The following YTHDC1 variants were observed in gnomAD, a reference collection of about 807,000 sequenced individuals.
YTHDC1 encodes the protein YTH N6-methyladenosine RNA binding protein C1, also known as YTH domain-containing protein 1.
Under a neutral mutation model 107.0 loss-of-function variants are expected in YTHDC1, and 12 were observed. The ratio of observed to expected loss-of-function variants is 0.11; its 90% CI spans 0.07 to 0.18. The LOEUF is 0.18. Among genes scored for constraint, YTHDC1 ranks in the 10% least tolerant of loss-of-function variants. YTHDC1 has a pLI of 1.00. For missense variants in YTHDC1, 635 were observed against 898.8 expected (o/e 0.71, Z 3.75); for synonymous variants, 280 against 289.5 (o/e 0.97, Z 0.33).
intron 1 of YTHDC1, among the ~76,000 whole-genome samples, chr4:68,339,495 C>T (rs1724581970): frequency 6.6e-6 from 1 of 152,142 alleles, no homozygotes; most frequent in African/African-American, 2.4e-5. Flanking sequence ...TTTGACTGTA[C>T]TATGGTTAAG....
Position 68,332,191 on chromosome 4 carries a change from G to T in YTHDC1, c.1034C>A (p.Thr345Asn). The T allele has an allele frequency of 1.3e-6, 2 of 1,591,878 alleles. No individual in the cohort carries two copies. The highest frequency in any genetic ancestry group is 8.6e-7 in the Non-Finnish European group (1 of 1,168,848). ...TTGAAGCACATATTTGAGTTTACTG[G>T]TTTGATCTGAAAAAAAAAGAAACCC... Reference protein sequence around the residue: ...SSVRAVRKDQTSKLKYVLQDA... With the variant: ...SSVRAVRKDQNSKLKYVLQDA... The change falls in exon 7 of 17, where the codon ACC (threonine) becomes AAC (asparagine). Residue 345 changes from threonine (T) to asparagine (N), a missense_variant. Physicochemically the swap from Thr to Asn is moderately conservative, Grantham distance 65. Coordinates refer to ENST00000344157, the MANE Select transcript of YTHDC1 (RefSeq NM_001031732.4).
At chr4:68,318,805 G>T (rs542792345) in intron 13 of YTHDC1, 21 bp downstream of exon 13, 1 of 1,614,072 alleles carries the variant, frequency 6.2e-7, no homozygotes, top group Admixed American at 1.7e-5. Flanking sequence ...TCAAAACTAG[G>T]CAAGAGTGAA....
intron 9 of YTHDC1, among the ~76,000 whole-genome samples, chr4:68,327,012 G>A (rs574735075): frequency 8.0e-4 from 121 of 150,850 alleles, no homozygotes; most frequent in Non-Finnish European, 1.4e-3. Flanking sequence ...TGAGGCGGGC[G>A]GATCACCTGA....
Position 68,324,170 on chromosome 4 carries a change from T to C in YTHDC1, c.1403A>G (p.His468Arg), listed in dbSNP as rs1722729480. 3.1e-6 allele frequency: 5 copies of C among 1,613,940 alleles called. No homozygotes were observed. Among genetic ancestry groups the C allele is most frequent in the South Asian group, 1.1e-5 (1 of 91,076 alleles). Residue 468 changes from histidine (H) to arginine (R), a missense_variant, in exon 10 of 17, where the codon CAT (histidine) becomes CGT (arginine). Transcript: ENST00000344157. ...ATCACGTCCGATCTTTACTGGTTTATGTTCATTCCAAGGATTGGTGAGATG... is the reference window on the plus strand; with the variant it reads ...ATCACGTCCGATCTTTACTGGTTTACGTTCATTCCAAGGATTGGTGAGATG... ...SAHLTNPWNE[H>R]KPVKIGRDGQ...
chr4:68,345,625 T>A (rs1380510390), intron 1 of YTHDC1, among the ~76,000 whole-genome samples: 1 of 152,150 alleles, frequency 6.6e-6, no homozygotes, highest in Non-Finnish European at 1.5e-5. Context: ...AGTGCAAAGA[T>A]ATCATTTTAA....
rs1166072944 is a variant in YTHDC1 at position 68,310,650 on chromosome 4, TATGTGTTTCAA to T, written c.*3438_*3448del. The T allele has an allele frequency of 6.8e-6, 1 of 146,840 alleles. No individual in the cohort carries two copies. Among genetic ancestry groups the T allele is most frequent in the Non-Finnish European group, 1.6e-5 (1 of 64,394 alleles). 9.1% of individuals were successfully genotyped at this position (146,840 alleles called of 1,614,324 possible). ...TCTTTCCTGTGTGCCTCAATTTTAATATGTGTTTCAAACTGCATTTGGAATGTTTCCTACCC... is the reference window on the plus strand; with the variant it reads ...TCTTTCCTGTGTGCCTCAATTTTAATACTGCATTTGGAATGTTTCCTACCC... On this transcript the variant is annotated 3_prime_UTR_variant, in exon 17 of 17. Transcript: ENST00000344157.
In YTHDC1 at chr4:68,328,611, T is replaced by C. The variant is rs189495585; in HGVS notation, c.1349+1391A>G. ...AGACAAACTATAATTTAACTAATTT[T>C]CTATTTCAAAGAATTTAGATGATTT... is the stretch of plus-strand genomic sequence containing the variant. On this transcript the variant is annotated intron_variant, in intron 9 of 16. Coordinates refer to ENST00000344157, the MANE Select transcript of YTHDC1 (RefSeq NM_001031732.4). Among the ~76,000 whole-genome samples the C allele has an allele frequency of 3.1e-3, 473 of 152,334 alleles. 2 individuals are homozygous for C. Among genetic ancestry groups the C allele is most frequent in the Non-Finnish European group, 3.9e-3 (268 of 68,014 alleles).
At chr4:68,315,631 G>C (rs1721774770) in intron 16 of YTHDC1, among the ~76,000 whole-genome samples, 1 of 152,006 alleles carries the variant, frequency 6.6e-6, no homozygotes, top group East Asian at 1.9e-4. Context: ...GGGGGGGGTG[G>C]GGAAGCATTT....
chr4:68,337,862 T>C lies in YTHDC1; in HGVS notation c.169A>G (p.Thr57Ala). 18 of 1,613,700 alleles carry C rather than the reference T, an allele frequency of 1.1e-5. No individual in the cohort carries two copies. The highest frequency in any genetic ancestry group is 1.5e-5 in the Non-Finnish European group (18 of 1,180,014). Residue 57 changes from threonine to alanine, a missense_variant, in exon 3 of 17, where the codon ACC becomes GCC. By Grantham distance (58) the Thr-to-Ala change is moderately conservative (BLOSUM62 0). Transcript: ENST00000344157. Reference sequence around the variant, plus strand: ...TGGACAGAAGGCTTTTGTCGTTTGGTATCAGTAGATTCCATTCGATCACTT... The same window carrying C: ...TGGACAGAAGGCTTTTGTCGTTTGGCATCAGTAGATTCCATTCGATCACTT... Reference protein sequence around the residue: ...RKSDRMESTDTKRQKPSVHSR... With the variant: ...RKSDRMESTDAKRQKPSVHSR...
intron 4 of YTHDC1, among the ~76,000 whole-genome samples, chr4:68,335,115 A>T (rs1223068101): frequency 6.6e-6 from 1 of 151,534 alleles, no homozygotes; most frequent in East Asian, 1.9e-4. Flanking sequence ...ACTGTTATCA[A>T]TCAGTCTGTT....
chr4:68,326,833 C>G (rs1447939734), intron 9 of YTHDC1, among the ~76,000 whole-genome samples: 1 of 151,690 alleles, frequency 6.6e-6, no homozygotes. Flanking sequence ...TCAAGTGATG[C>G]ACCCACCTCA....
At position 68,322,536 on chromosome 4, in the gene YTHDC1, CA is replaced by C; in HGVS notation, c.1601+212del. On this transcript the variant is annotated intron_variant, in intron 11 of 16. Transcript: ENST00000344157. The surrounding 1 kb of genome is among the most constrained non-coding windows in gnomAD (Gnocchi z 4.8). ...TTATCACTGGTTATACTTTTTTCTG[CA>C]TAAGGAAAGATCCCCATTTTCCTCT... The C allele has an allele frequency of 5.5e-6, 3 of 549,834 alleles. No homozygotes were observed. Among genetic ancestry groups the C allele is most frequent in the Non-Finnish European group, 9.5e-6 (3 of 315,968 alleles). The allele number at this position is 549,834 out of a possible 1,614,324, so 34.1% of individuals were successfully genotyped here.
At position 68,318,598 on chromosome 4, in the gene YTHDC1, T is replaced by C. The variant is rs190428988; in HGVS notation, c.1762-17A>G. 2,361 of 1,609,470 alleles carry C rather than the reference T, an allele frequency of 1.5e-3. 53 individuals are homozygous for C. In the Admixed American group the frequency reaches 0.034, roughly 23 times the overall value. On this transcript the variant is annotated splice_polypyrimidine_tract_variant and intron_variant, in intron 14 of 16. Transcript: ENST00000344157. ...ATTGTAGGACTAAAATAAAAGATGA[T>C]AATGTCAATATAATTAAAAATTATC...
At chr4:68,326,871 A>G (rs895202525) in intron 9 of YTHDC1, among the ~76,000 whole-genome samples, 34 of 151,380 alleles carry the variant, frequency 2.2e-4, no homozygotes, top group Non-Finnish European at 2.9e-5. Flanking sequence ...GATTACAGGC[A>G]TGAACCACTG....
In YTHDC1 at chr4:68,341,949, T is replaced by A. The variant is rs528436325; in HGVS notation, c.29-3565A>T. ...TTTCAACCTGTAAGAAGACTCTCCT[T>A]CCTTATAACTATTGGACTTTAATAA... On this transcript the variant is annotated intron_variant, in intron 1 of 16. Coordinates refer to ENST00000344157, the MANE Select transcript of YTHDC1 (RefSeq NM_001031732.4). Among the ~76,000 whole-genome samples the A allele has an allele frequency of 1.6e-4, 25 of 152,302 alleles. No individual in the cohort carries two copies. In the South Asian group the frequency reaches 5.0e-3, roughly 30 times the overall value.
chr4:68,324,709 G>A, intron 9 of YTHDC1, among the ~76,000 whole-genome samples: 1 of 152,078 alleles, frequency 6.6e-6, no homozygotes, highest in East Asian at 1.9e-4. Context: ...TGCTTTCCCT[G>A]TTCAAGTGTA....
intron 1 of YTHDC1, among the ~76,000 whole-genome samples, chr4:68,347,080 T>TA (rs1276717040): frequency 6.6e-6 from 1 of 152,154 alleles, no homozygotes; most frequent in Admixed American, 6.5e-5. Flanking sequence ...ATACTCAAGG[T>TA]ACTGAAACAC....
chr4:68,310,651 A>G lies in YTHDC1; in HGVS notation c.*3448T>C, dbSNP rs1412077956. ...CTTTCCTGTGTGCCTCAATTTTAAT[A>G]TGTGTTTCAAACTGCATTTGGAATG... On this transcript the variant is annotated 3_prime_UTR_variant, in exon 17 of 17. Transcript: ENST00000344157. 6.8e-6 allele frequency: 1 copy of G among 146,928 alleles called. No homozygotes were observed. Among genetic ancestry groups the G allele is most frequent in the East Asian group, 1.9e-4 (1 of 5,168 alleles). The allele number at this position is 146,928 out of a possible 1,614,324, so 9.1% of individuals were successfully genotyped here. A position where few individuals can be genotyped will look rare whatever the true frequency, so the allele number is the denominator to read the frequency against.
At chr4:68,349,563 G>A (rs1438157691) in intron 1 of YTHDC1, among the ~76,000 whole-genome samples, 163 bp downstream of exon 1, 1 of 152,016 alleles carries the variant, frequency 6.6e-6, no homozygotes, top group Admixed American at 6.5e-5. Context: ...GGCAGGCCTG[G>A]TCTCCGCCAG....
Sources: allele counts gnomAD v4.1 joint callset (sites outside exome capture counted in the v4.1 genomes callset), GRCh38; gene constraint gnomAD v4.1.1; non-coding constraint Gnocchi (gnomAD v3.1); transcripts MANE v1.5; gene names NCBI Gene and HGNC (gene_info 2026-07-23, HGNC 2026-07-21).